The following ZNF474 variants were observed in gnomAD, a reference collection of about 807,000 sequenced individuals.
ZNF474 encodes 4933409D10Rik.
For synonymous variants in ZNF474, 192 were observed against 162.2 expected (o/e 1.18, Z -1.39); for missense variants, 511 against 433.8 (o/e 1.18, Z -1.58).
At chr5:122,141,936 T>C (rs1755857984) in intron 1 of ZNF474, among the ~76,000 whole-genome samples, 1 of 152,242 alleles carries the variant, frequency 6.6e-6, no homozygotes, top group African/African-American at 2.4e-5. Context: ...CCACATTTGA[T>C]GACTCATGTG....
At chr5:122,132,054 GC>G (rs1246387871) in intron 1 of ZNF474, among the ~76,000 whole-genome samples, 1 of 152,036 alleles carries the variant, frequency 6.6e-6, no homozygotes, top group Non-Finnish European at 1.5e-5. Flanking sequence ...CTACAGATTA[GC>G]TTTGCTTATT....
intron 1 of ZNF474, among the ~76,000 whole-genome samples, chr5:122,130,825 CAT>C (rs1755557937): frequency 6.6e-6 from 1 of 152,138 alleles, no homozygotes; most frequent in African/African-American, 2.4e-5. Flanking sequence ...CATCATATCA[CAT>C]AGTTACCTTT....
chr5:122,150,964 C>A (rs1031818704), intron 1 of ZNF474, among the ~76,000 whole-genome samples: 1 of 152,178 alleles, frequency 6.6e-6, no homozygotes, highest in African/African-American at 2.4e-5. Context: ...AGGCTGTACT[C>A]TTTGCTGGAG....
chr5:122,141,149 T>TTTGAAAC (rs1561439540), intron 1 of ZNF474, among the ~76,000 whole-genome samples: 7 of 55,052 alleles, frequency 1.3e-4, no homozygotes, highest in South Asian at 6.7e-4. Flanking sequence ...TATTTTATTT[T>TTTGAAAC]ATTTTATTTT....
At chr5:122,134,716 A>T (rs1023892222) in intron 1 of ZNF474, among the ~76,000 whole-genome samples, 12 of 152,198 alleles carry the variant, frequency 7.9e-5, no homozygotes, top group Admixed American at 7.9e-4. Context: ...TGATACTGAA[A>T]GGCCTGTGGC....
intron 1 of ZNF474, among the ~76,000 whole-genome samples, chr5:122,133,870 T>G (rs1755636959): frequency 6.6e-6 from 1 of 152,238 alleles, no homozygotes; most frequent in African/African-American, 2.4e-5. Context: ...CCAGCTTATT[T>G]TAGAATTCAA....
intron 1 of ZNF474, among the ~76,000 whole-genome samples, chr5:122,148,340 G>T (rs1245160024): frequency 1.3e-5 from 2 of 152,240 alleles, no homozygotes; most frequent in African/African-American, 4.8e-5. Flanking sequence ...GAGAACATTG[G>T]AGAAGGAAAG....
chr5:122,149,402 T>C (rs1439840203), intron 1 of ZNF474, among the ~76,000 whole-genome samples: 1 of 152,232 alleles, frequency 6.6e-6, no homozygotes, highest in East Asian at 1.9e-4. Context: ...CTGTGCCTTG[T>C]CTGCACTCCT....
intron 1 of ZNF474, among the ~76,000 whole-genome samples, chr5:122,130,763 A>G (rs1755556673): frequency 6.6e-6 from 1 of 152,178 alleles, no homozygotes; most frequent in South Asian, 2.1e-4. Flanking sequence ...AAATGTGTTG[A>G]CATATGTAGA....
intron 1 of ZNF474, chr5:122,147,907 GT>G (rs1756032515): frequency 6.6e-6 from 1 of 152,180 alleles, no homozygotes; most frequent in Admixed American, 6.5e-5. Context: ...TTGATAAAAG[GT>G]GATGCCTTCC....
At chr5:122,143,350 G>A (rs554875128) in intron 1 of ZNF474, among the ~76,000 whole-genome samples, 3 of 152,264 alleles carry the variant, frequency 2.0e-5, no homozygotes, top group Admixed American at 6.5e-5. Context: ...GTGTCGCACC[G>A]AGTTCAACTA....
At chr5:122,141,504 T>C (rs1304460913) in intron 1 of ZNF474, among the ~76,000 whole-genome samples, 1 of 151,998 alleles carries the variant, frequency 6.6e-6, no homozygotes, top group East Asian at 1.9e-4. Flanking sequence ...TGACGGGATT[T>C]TGTCATGTTG....
intron 1 of ZNF474, among the ~76,000 whole-genome samples, chr5:122,143,867 G>A (rs1012581398): frequency 6.6e-6 from 1 of 152,140 alleles, no homozygotes; most frequent in Non-Finnish European, 1.5e-5. Flanking sequence ...AAATAGAAGA[G>A]TAGCTCTTAT....
intron 1 of ZNF474, among the ~76,000 whole-genome samples, chr5:122,139,734 T>C (rs556437550): frequency 6.6e-6 from 1 of 152,290 alleles, no homozygotes; most frequent in Admixed American, 6.5e-5. Flanking sequence ...AAAAGTGAAA[T>C]ATTAAGAAAT....
chr5:122,138,976 A>G (rs769910885), intron 1 of ZNF474, among the ~76,000 whole-genome samples: 1 of 152,230 alleles, frequency 6.6e-6, no homozygotes, highest in South Asian at 2.1e-4. Context: ...TTTTAAAATC[A>G]TAAATGTGTA....
At chr5:122,132,665 G>C (rs1334171197) in intron 1 of ZNF474, among the ~76,000 whole-genome samples, 1 of 151,980 alleles carries the variant, frequency 6.6e-6, no homozygotes, top group Non-Finnish European at 1.5e-5. Context: ...TAATTTTTGT[G>C]TGTAGTGAAA....
At chr5:122,134,930 T>C (rs1195114975) in intron 1 of ZNF474, among the ~76,000 whole-genome samples, 1 of 152,212 alleles carries the variant, frequency 6.6e-6, no homozygotes. Context: ...TCTAGTACAT[T>C]GGTCTGGTCA....
At chr5:122,130,995 CT>C in intron 1 of ZNF474, among the ~76,000 whole-genome samples, 1 of 152,184 alleles carries the variant, frequency 6.6e-6, no homozygotes, top group Non-Finnish European at 1.5e-5. Context: ...CCTATCTTCC[CT>C]TCGTCTCATC....
intron 1 of ZNF474, among the ~76,000 whole-genome samples, chr5:122,151,068 A>T (rs574894386): frequency 6.6e-6 from 1 of 152,170 alleles, no homozygotes; most frequent in Non-Finnish European, 1.5e-5. Flanking sequence ...TCTGAGGGCT[A>T]TCCTGATAAT....
Sources: allele counts gnomAD v4.1 joint callset (sites outside exome capture counted in the v4.1 genomes callset), GRCh38; gene constraint gnomAD v4.1.1; transcripts MANE v1.5; gene names NCBI Gene and HGNC (gene_info 2026-07-23, HGNC 2026-07-21).